TMEM132D: variants seen among roughly 807,000 people sequenced by gnomAD.
TMEM132D encodes the protein mature OL transmembrane protein.
TMEM132D carries 21 observed loss-of-function variants against 62.3 expected under a neutral mutation model. The observed-to-expected ratio is 0.34, with a 90% CI of 0.24 to 0.49. TMEM132D has a LOEUF of 0.49. TMEM132D is among the 20% of genes least tolerant of loss of function. The probability of loss-of-function intolerance (pLI) is 0.99; values close to 1 mark genes in which losing one functional copy is unlikely to be tolerated. For synonymous variants in TMEM132D, 621 were observed against 575.6 expected (o/e 1.08, Z -1.13); for missense variants, 1,346 against 1,402.8 (o/e 0.96, Z 0.65).
intron 5 of TMEM132D, among the ~76,000 whole-genome samples, chr12:129,096,323 G>A (rs186375534): frequency 8.5e-4 from 130 of 152,226 alleles, no homozygotes; most frequent in Middle Eastern, 6.8e-3. Context: ...TGAGGTCTCT[G>A]GGGAGCAGAG....
intron 4 of TMEM132D, among the ~76,000 whole-genome samples, chr12:129,290,642 G>T (rs1049076301): frequency 6.6e-6 from 1 of 152,206 alleles, no homozygotes; most frequent in Non-Finnish European, 1.5e-5. Flanking sequence ...TATACAGTTT[G>T]AAACTGTTCA....
chr12:129,155,371 T>C (rs892054636), intron 5 of TMEM132D, among the ~76,000 whole-genome samples: 1 of 152,236 alleles, frequency 6.6e-6, no homozygotes, highest in African/African-American at 2.4e-5. Flanking sequence ...TAGTTTTGTA[T>C]AAAAAGCATT....
chr12:129,478,565 T>C (rs1437487569), intron 3 of TMEM132D, among the ~76,000 whole-genome samples: 1 of 152,208 alleles, frequency 6.6e-6, no homozygotes, highest in Non-Finnish European at 1.5e-5. Flanking sequence ...AAGTATTTCA[T>C]TTGGAAAGAG....
At chr12:129,083,296 C>T (rs1325262805) in intron 6 of TMEM132D, among the ~76,000 whole-genome samples, 1 of 152,172 alleles carries the variant, frequency 6.6e-6, no homozygotes, top group African/African-American at 2.4e-5. Context: ...TGCAGTTTGC[C>T]CTTTGATGGC....
At position 129,658,965 on chromosome 12, in the gene TMEM132D, A is replaced by G. The variant is rs143504939; in HGVS notation, c.968+40845T>C. 4.3e-4 allele frequency among the ~76,000 whole-genome samples: 66 copies of G among 152,176 alleles called. 1 individual carries two copies. The highest frequency in any genetic ancestry group is 1.6e-3 in the African/African-American group (66 of 41,526). On this transcript the variant is annotated intron_variant, in intron 2 of 8. Coordinates refer to ENST00000422113, the MANE Select transcript of TMEM132D (RefSeq NM_133448.3). ...ATCCAGGCTGGAGTGTGGTAGTACA[A>G]TCTTGGCTCACTGCAACCTCCAACT...
At chr12:129,567,251 A>G (rs1000365765) in intron 2 of TMEM132D, among the ~76,000 whole-genome samples, 8 of 152,256 alleles carry the variant, frequency 5.3e-5, no homozygotes, top group African/African-American at 1.7e-4. Context: ...AAATGGGTCA[A>G]CATTTGGAAG....
Position 129,639,330 on chromosome 12 carries a change from C to T in TMEM132D, c.968+60480G>A, listed in dbSNP as rs189830410. On this transcript the variant is annotated intron_variant, in intron 2 of 8. Transcript: ENST00000422113. ...CCTAGGAGGCAGAGGTTGCAGTGAGCTGAGATTGAGCCACTGCTCTCCAGC... is the reference window on the plus strand; with the variant it reads ...CCTAGGAGGCAGAGGTTGCAGTGAGTTGAGATTGAGCCACTGCTCTCCAGC... Among the ~76,000 whole-genome samples the T allele has an allele frequency of 2.6e-4, 36 of 136,058 alleles. No individual in the cohort carries two copies. In the East Asian group the frequency reaches 6.4e-3, roughly 24 times the overall value. The allele number at this position is 136,058 out of a possible 152,430, so 89.3% of individuals were successfully genotyped here.
At chr12:129,820,329 A>T (rs2137324462) in intron 1 of TMEM132D, among the ~76,000 whole-genome samples, 1 of 152,328 alleles carries the variant, frequency 6.6e-6, no homozygotes, top group South Asian at 2.1e-4. Context: ...CCTGTGTGAC[A>T]ATGGGGGCCA....
At chr12:129,851,589 T>C (rs1436312946) in intron 1 of TMEM132D, among the ~76,000 whole-genome samples, 1 of 152,072 alleles carries the variant, frequency 6.6e-6, no homozygotes, top group Non-Finnish European at 1.5e-5. Flanking sequence ...GTGTTAGCAG[T>C]AGTAAAATGA....
chr12:129,243,316 T>A (rs1203447504), intron 4 of TMEM132D, among the ~76,000 whole-genome samples: 1 of 152,242 alleles, frequency 6.6e-6, no homozygotes, highest in Non-Finnish European at 1.5e-5. Flanking sequence ...ATTTTTAAGT[T>A]TGTATCCATG....
intron 1 of TMEM132D, among the ~76,000 whole-genome samples, chr12:129,873,069 G>A (rs1874306773): frequency 6.6e-6 from 1 of 152,170 alleles, no homozygotes; most frequent in South Asian, 2.1e-4. Context: ...CGCGCCTGGA[G>A]TCTGATAGAC....
At chr12:129,753,328 G>T (rs1231010654) in intron 1 of TMEM132D, among the ~76,000 whole-genome samples, 1 of 152,230 alleles carries the variant, frequency 6.6e-6, no homozygotes, top group Non-Finnish European at 1.5e-5. Flanking sequence ...CAAATGCAAT[G>T]CAATGTGGAG....
chr12:129,727,322 C>T (rs1477210925), intron 1 of TMEM132D, among the ~76,000 whole-genome samples: 2 of 152,156 alleles, frequency 1.3e-5, no homozygotes, highest in Non-Finnish European at 2.9e-5. Flanking sequence ...GGTGGAAGGG[C>T]AAGAGAGCAC....
intron 1 of TMEM132D, among the ~76,000 whole-genome samples, chr12:129,765,219 C>T (rs1467907303): frequency 6.6e-6 from 1 of 152,196 alleles, no homozygotes; most frequent in African/African-American, 2.4e-5. Context: ...GGCAATTCTA[C>T]AACTCTGAAA....
At chr12:129,662,309 A>T (rs914766812) in intron 2 of TMEM132D, among the ~76,000 whole-genome samples, 1 of 152,206 alleles carries the variant, frequency 6.6e-6, no homozygotes, top group African/African-American at 2.4e-5. Context: ...TTGCTGACTT[A>T]TCCATGCCAG....
chr12:129,725,779 A>T (rs563644854), intron 1 of TMEM132D, among the ~76,000 whole-genome samples: 1 of 152,238 alleles, frequency 6.6e-6, no homozygotes, highest in Non-Finnish European at 1.5e-5. Flanking sequence ...TTAACACAGC[A>T]GACCAGAGAC....
At chr12:129,674,814 C>G (rs1353685970) in intron 2 of TMEM132D, among the ~76,000 whole-genome samples, 1 of 152,174 alleles carries the variant, frequency 6.6e-6, no homozygotes, top group Non-Finnish European at 1.5e-5. Flanking sequence ...GCTGGGATTA[C>G]AGGCGTGAGC....
intron 1 of TMEM132D, among the ~76,000 whole-genome samples, chr12:129,712,202 G>T (rs1048328494): frequency 2.0e-4 from 31 of 152,056 alleles, no homozygotes; most frequent in African/African-American, 7.0e-4. Context: ...TCGGCTCACT[G>T]CAACATCTGC....
intron 5 of TMEM132D, among the ~76,000 whole-genome samples, chr12:129,107,816 AGC>A (rs542193637): frequency 2.0e-5 from 3 of 151,860 alleles, no homozygotes; most frequent in Non-Finnish European, 4.4e-5. Context: ...CCTCCTGAGT[AGC>A]TGGGACTACA....
Sources: allele counts gnomAD v4.1 joint callset (sites outside exome capture counted in the v4.1 genomes callset), GRCh38; gene constraint gnomAD v4.1.1; transcripts MANE v1.5; gene names NCBI Gene and HGNC (gene_info 2026-07-23, HGNC 2026-07-21).